Variants in METTL21A observed in about 807,000 individuals in gnomAD.
The protein encoded by METTL21A is methyltransferase 21A, HSPA lysine, also known as protein N-lysine methyltransferase METTL21A.
In METTL21A, 22 loss-of-function variants were observed where a neutral mutation model predicts 20.9. The observed-to-expected ratio is 1.05, with a 90% confidence interval of 0.75 to 1.50. The LOEUF (loss-of-function observed/expected upper bound fraction) is 1.50, where lower values mean the gene tolerates loss of function less well. Among genes scored for constraint, METTL21A ranks in the 40% most tolerant of loss-of-function variants. The probability of loss-of-function intolerance (pLI) is 0.00; values close to 1 mark genes in which losing one functional copy is unlikely to be tolerated. For missense variants in METTL21A, 271 were observed against 266.8 expected (o/e 1.02, Z -0.11); for synonymous variants, 93 against 102.0 (o/e 0.91, Z 0.53).
At chr2:207,625,422 G>C (rs918515803), upstream of METTL21A, 5 of 152,152 alleles carry the variant, frequency 3.3e-5, no homozygotes, top group African/African-American at 1.2e-4. Flanking sequence ...CCTCCGGCAG[G>C]TGCCCCCGGA....
intron 3 of METTL21A, among the ~76,000 whole-genome samples, chr2:207,614,312 G>A (rs1319870757): frequency 1.3e-5 from 2 of 151,946 alleles, no homozygotes; most frequent in Non-Finnish European, 2.9e-5. Flanking sequence ...GGGATATCAT[G>A]TGAGTATGGG....
intron 3 of METTL21A, among the ~76,000 whole-genome samples, chr2:207,586,144 G>A (rs2083794778): frequency 6.6e-6 from 1 of 152,070 alleles, no homozygotes; most frequent in Admixed American, 6.5e-5. Flanking sequence ...AAGCATTCCT[G>A]AACTAAAAGA....
chr2:207,613,152 A>G (rs1364108203), exon 4 of METTL21A: 2 of 1,613,884 alleles, frequency 1.2e-6, no homozygotes, highest in African/African-American at 2.7e-5. Context: ...CAGCATTGCT[A>G]AGAAGTTGTT....
At chr2:207,619,817 T>A (rs984259165) in intron 3 of METTL21A, among the ~76,000 whole-genome samples, 1 of 152,212 alleles carries the variant, frequency 6.6e-6, no homozygotes, top group African/African-American at 2.4e-5. Context: ...GAGCACTTCC[T>A]TTGTGTCACT....
chr2:207,606,167 G>A (rs1288665195), downstream of METTL21A, among the ~76,000 whole-genome samples: 1 of 152,158 alleles, frequency 6.6e-6, no homozygotes, highest in African/African-American at 2.4e-5. Context: ...AGAGCAGAAA[G>A]CTAACAATTA....
chr2:207,605,626 TCTC>T (rs1015964443), downstream of METTL21A, among the ~76,000 whole-genome samples: 11 of 152,344 alleles, frequency 7.2e-5, no homozygotes, highest in East Asian at 9.6e-4. Flanking sequence ...ATGTATGTTC[TCTC>T]CTCCTCCCTC....
chr2:207,600,427 T>C, intron 3 of METTL21A: 1 of 194,094 alleles, frequency 5.2e-6, no homozygotes, highest in African/African-American at 2.3e-5. Flanking sequence ...TGATTTTATC[T>C]TCTAATTTTC....
chr2:207,595,505 C>T lies in METTL21A; in HGVS notation c.260-13345G>A, dbSNP rs550170587. On this transcript the variant is annotated intron_variant, in intron 3 of 3. Transcript: ENST00000425132. The stretch of plus-strand genomic sequence containing the variant: ...GCATGATCATGGCTCACTGCAGCCT[C>T]GACCTCCCGGCCTCCAACCTCAGCT... Among the ~76,000 whole-genome samples, 123 of 151,924 alleles carry T rather than the reference C, an allele frequency of 8.1e-4. 1 individual carries two copies. The highest frequency in any genetic ancestry group is 7.1e-3 in the Admixed American group (109 of 15,264).
intron 3 of METTL21A, among the ~76,000 whole-genome samples, chr2:207,616,719 G>A (rs952876254): frequency 2.6e-5 from 4 of 152,054 alleles, no homozygotes; most frequent in Non-Finnish European, 5.9e-5. Context: ...GGTGGCAGGC[G>A]CCTGTAATCC....
At chr2:207,614,279 T>C (rs149474085) in intron 3 of METTL21A, among the ~76,000 whole-genome samples, 96 of 152,174 alleles carry the variant, frequency 6.3e-4, no homozygotes, top group African/African-American at 2.2e-3. Context: ...ACCTGTGGTC[T>C]TAACTACTCA....
At chr2:207,619,061 G>A (rs1398642069) in intron 3 of METTL21A, among the ~76,000 whole-genome samples, 8 of 152,178 alleles carry the variant, frequency 5.3e-5, no homozygotes, top group Admixed American at 6.5e-5. Context: ...GTGACTGTGA[G>A]AATGAAAGGG....
intron 2 of METTL21A, among the ~76,000 whole-genome samples, chr2:207,624,000 G>A (rs1262210883): frequency 6.6e-6 from 1 of 152,146 alleles, no homozygotes; most frequent in Non-Finnish European, 1.5e-5. Flanking sequence ...TAAGGGATAC[G>A]GGTTTGAGAG....
At chr2:207,604,836 TA>T (rs1652388797), downstream of METTL21A, among the ~76,000 whole-genome samples, 1 of 152,242 alleles carries the variant, frequency 6.6e-6, no homozygotes, top group Non-Finnish European at 1.5e-5. Context: ...ATACACTGTG[TA>T]TTACTTCTTT....
intron 3 of METTL21A, among the ~76,000 whole-genome samples, chr2:207,584,522 G>A (rs1346296676): frequency 6.6e-6 from 1 of 152,042 alleles, no homozygotes; most frequent in Non-Finnish European, 1.5e-5. Flanking sequence ...TCGTGCCTCA[G>A]CCTCCCTGAG....
At chr2:207,606,870 G>T (rs919709976), downstream of METTL21A, among the ~76,000 whole-genome samples, 1 of 152,028 alleles carries the variant, frequency 6.6e-6, no homozygotes, top group Non-Finnish European at 1.5e-5. Flanking sequence ...GCAATTAAAT[G>T]GTATTATTAT....
chr2:207,620,118 T>C (rs2107244168), intron 3 of METTL21A, among the ~76,000 whole-genome samples: 1 of 152,258 alleles, frequency 6.6e-6, no homozygotes, highest in Non-Finnish European at 1.5e-5. Context: ...GTAACTCTTA[T>C]ATCAGCAGAG....
intron 3 of METTL21A, chr2:207,582,182 AAATT>A: frequency 1.4e-6 from 1 of 702,928 alleles, no homozygotes; most frequent in Non-Finnish European, 2.6e-6. Flanking sequence ...AATATGAAAG[AAATT>A]TGTGGTCATA....
rs1307629962 is a variant in METTL21A, at chr2:207,583,154, T to TCTCTTA, written c.260-995_260-994insTAAGAG. 5.9e-5 allele frequency among the ~76,000 whole-genome samples: 9 copies of TCTCTTA among 152,210 alleles called. No individual in the cohort carries two copies. The South Asian group carries it at 1.9e-3, about 32-fold the overall frequency. ...TAATCTAGAGGTGATTTTAAGTATATAGGGGGATTCATATAGGTTATATGC... is the reference window on the plus strand; with the variant it reads ...TAATCTAGAGGTGATTTTAAGTATATCTCTTAAGGGGGATTCATATAGGTTATATGC... On this transcript the variant is annotated intron_variant, in intron 3 of 3. Coordinates refer to the METTL21A transcript ENST00000425132.
At chr2:207,624,102 C>T in intron 2 of METTL21A, 127 bp downstream of exon 2, 2 of 1,132,682 alleles carry the variant, frequency 1.8e-6, no homozygotes, top group Non-Finnish European at 2.5e-6. Context: ...CTGAATTGTG[C>T]ACTTTAAATA....
Sources: allele counts gnomAD v4.1 joint callset (sites outside exome capture counted in the v4.1 genomes callset), GRCh38; gene constraint gnomAD v4.1.1; transcripts MANE v1.5; gene names NCBI Gene and HGNC (gene_info 2026-07-23, HGNC 2026-07-21).